Variants in DLG2 observed in about 807,000 individuals in gnomAD.
The protein encoded by DLG2 is disks large homolog 2.
Under a neutral mutation model 132.5 loss-of-function variants are expected in DLG2, and 45 were observed. That is an observed-to-expected ratio of 0.34 (90% CI 0.27 to 0.44). The LOEUF (loss-of-function observed/expected upper bound fraction) is 0.44, where lower values mean the gene tolerates loss of function less well. DLG2 is among the 20% of genes least tolerant of loss of function. The pLI, the probability that DLG2 is intolerant of heterozygous loss-of-function variation, is 1.00. For missense variants in DLG2, 1,045 were observed against 1,196.9 expected (o/e 0.87, Z 1.87); for synonymous variants, 424 against 419.6 (o/e 1.01, Z -0.13).
intron 7 of DLG2, among the ~76,000 whole-genome samples, chr11:84,494,356 A>C (rs758587071): frequency 3.9e-5 from 6 of 152,206 alleles, no homozygotes; most frequent in Non-Finnish European, 8.8e-5. Context: ...GGGTGAAAAC[A>C]AATACTACTT....
chr11:85,281,322 A>T (rs1022316104), intron 4 of DLG2, among the ~76,000 whole-genome samples: 1 of 152,028 alleles, frequency 6.6e-6, no homozygotes, highest in Admixed American at 6.6e-5. Flanking sequence ...TCAGAAGCCC[A>T]TCTGATTTTC....
chr11:84,460,064 T>C (rs1460999152), intron 7 of DLG2, among the ~76,000 whole-genome samples: 5 of 150,674 alleles, frequency 3.3e-5, no homozygotes. Flanking sequence ...TGAGAAATTT[T>C]GTCAGGAATG....
At chr11:85,481,618 C>G (rs967648769) in intron 3 of DLG2, among the ~76,000 whole-genome samples, 14 of 152,222 alleles carry the variant, frequency 9.2e-5, no homozygotes, top group Admixed American at 2.6e-4. Context: ...CCAACAGCCC[C>G]AAACTCCAGG....
intron 16 of DLG2, among the ~76,000 whole-genome samples, chr11:83,851,920 T>TAA (rs754089296): frequency 3.3e-4 from 42 of 128,520 alleles, no homozygotes; most frequent in African/African-American, 1.1e-3. Flanking sequence ...CTCCGTCTCT[T>TAA]AAAAAAAAAA....
chr11:84,997,820 T>A (rs1402505530), intron 6 of DLG2: 1 of 152,182 alleles, frequency 6.6e-6, no homozygotes, highest in Non-Finnish European at 1.5e-5. Flanking sequence ...CGCTACGTGA[T>A]GCAGCAGGCA....
chr11:84,069,166 C>T (rs962345107), intron 10 of DLG2, among the ~76,000 whole-genome samples: 4 of 152,170 alleles, frequency 2.6e-5, no homozygotes, highest in African/African-American at 9.7e-5. Flanking sequence ...ATTTCTAACA[C>T]GTTCCTAGGT....
chr11:84,485,122 A>G lies in DLG2; in HGVS notation c.519+49448T>C, dbSNP rs534324505. Among the ~76,000 whole-genome samples, 3 of 152,280 alleles carry G rather than the reference A, an allele frequency of 2.0e-5. No individual in the cohort carries two copies. In the South Asian group the frequency reaches 6.2e-4, roughly 32 times the overall value. ...ATTTCAATTCAGGTATTCTAGGTCC[A>G]GAGGTCTTTACACAGTAAAGAATTT... is the stretch of plus-strand genomic sequence containing the variant. On this transcript the variant is annotated intron_variant, in intron 7 of 27. Transcript: ENST00000376104.
chr11:83,736,657 T>C (rs1367653477), intron 18 of DLG2, among the ~76,000 whole-genome samples: 1 of 152,192 alleles, frequency 6.6e-6, no homozygotes, highest in Non-Finnish European at 1.5e-5. Flanking sequence ...TGCTCTGTTT[T>C]AATTTCATCT....
At chr11:85,189,939 A>C (rs549768174) in intron 4 of DLG2, among the ~76,000 whole-genome samples, 1 of 152,268 alleles carries the variant, frequency 6.6e-6, no homozygotes, top group East Asian at 1.9e-4. Context: ...AGGACTACAG[A>C]TGTGAGCCAC....
intron 6 of DLG2, among the ~76,000 whole-genome samples, chr11:84,982,665 G>A (rs969011027): frequency 1.2e-4 from 18 of 152,072 alleles, no homozygotes; most frequent in Admixed American, 2.0e-4. Context: ...ACTCTGGGTA[G>A]ATGCAAAAAT....
intron 6 of DLG2, among the ~76,000 whole-genome samples, chr11:84,814,679 G>C (rs1185152746): frequency 6.6e-6 from 1 of 152,004 alleles, no homozygotes; most frequent in African/African-American, 2.4e-5. Context: ...TGCTTAGAAG[G>C]ATCTACTTCC....
At chr11:84,805,366 A>T (rs991951786) in intron 6 of DLG2, among the ~76,000 whole-genome samples, 4 of 152,096 alleles carry the variant, frequency 2.6e-5, no homozygotes, top group Admixed American at 1.3e-4. Context: ...ATTACCAAGA[A>T]CCAAAAAGAC....
chr11:83,747,275 T>TCATCCTTCCTTC (rs1297936596), intron 18 of DLG2, among the ~76,000 whole-genome samples: 1 of 121,582 alleles, frequency 8.2e-6, no homozygotes, highest in Non-Finnish European at 1.7e-5. Flanking sequence ...TGCTTTAAAA[T>TCATCCTTCCTTC]CTTCCTTCCT....
chr11:85,156,340 T>C (rs1340622236), intron 4 of DLG2, among the ~76,000 whole-genome samples: 1 of 152,138 alleles, frequency 6.6e-6, no homozygotes, highest in Non-Finnish European at 1.5e-5. Context: ...TATCTTACTG[T>C]TTTTCAGTCT....
At chr11:84,279,720 A>G (rs931307570) in intron 7 of DLG2, among the ~76,000 whole-genome samples, 1 of 152,198 alleles carries the variant, frequency 6.6e-6, no homozygotes, top group Non-Finnish European at 1.5e-5. Context: ...AAAAAACCAA[A>G]CACCACATGT....
chr11:85,145,856 T>C (rs1369203899), intron 5 of DLG2, among the ~76,000 whole-genome samples: 1 of 152,162 alleles, frequency 6.6e-6, no homozygotes, highest in Non-Finnish European at 1.5e-5. Context: ...GTTTGTTTAG[T>C]AGATCATGTT....
chr11:85,230,563 T>C (rs1215428948), intron 4 of DLG2, among the ~76,000 whole-genome samples: 2 of 151,896 alleles, frequency 1.3e-5, no homozygotes, highest in Non-Finnish European at 2.9e-5. Flanking sequence ...CATACTTGCA[T>C]TGTTTTACAT....
intron 3 of DLG2, among the ~76,000 whole-genome samples, chr11:85,508,694 T>C (rs1036911723): frequency 3.9e-5 from 6 of 152,058 alleles, no homozygotes; most frequent in African/African-American, 1.2e-4. Context: ...AAAACAAACA[T>C]ACCAAAGTGT....
chr11:84,129,731 G>A (rs1300630978), intron 9 of DLG2, among the ~76,000 whole-genome samples: 1 of 151,786 alleles, frequency 6.6e-6, no homozygotes, highest in Non-Finnish European at 1.5e-5. Flanking sequence ...TTAACCTAAG[G>A]TTTACAGGGA....
Sources: gnomAD v4.1 joint callset for allele counts (sites outside exome capture counted in the v4.1 genomes callset) on GRCh38, gnomAD v4.1.1 for gene constraint, MANE v1.5 for transcripts, NCBI Gene and HGNC (gene_info 2026-07-23, HGNC 2026-07-21) for gene names.